MEI4: variants seen among roughly 807,000 people sequenced by gnomAD.
MEI4 encodes the protein meiosis-specific protein MEI4.
In MEI4, 27 loss-of-function variants were observed where a neutral mutation model predicts 31.4. The observed-to-expected ratio is 0.86, with a 90% confidence interval of 0.63 to 1.19. MEI4 has a LOEUF of 1.19. Ranked by LOEUF, MEI4 falls within the 50% of genes most tolerant of loss-of-function variation. The pLI, the probability that MEI4 is intolerant of heterozygous loss-of-function variation, is 0.00. For missense variants in MEI4, 329 were observed against 398.9 expected (o/e 0.82, Z 1.49); for synonymous variants, 122 against 145.4 (o/e 0.84, Z 1.16).
chr6:77,839,190 T>C (rs1770297097), intron 4 of MEI4, among the ~76,000 whole-genome samples: 1 of 152,148 alleles, frequency 6.6e-6, no homozygotes. Context: ...TTTGTCTTTC[T>C]TTTTGTATTT....
chr6:77,659,186 C>T (rs71563050), intron 1 of MEI4, among the ~76,000 whole-genome samples: 12,475 of 151,976 alleles, frequency 0.082, 659 homozygotes, highest in East Asian at 0.22. Flanking sequence ...AGTCCTAAAC[C>T]GACCATCAAG....
chr6:77,707,398 CA>C (rs1386062401), intron 2 of MEI4, among the ~76,000 whole-genome samples: 1 of 152,116 alleles, frequency 6.6e-6, no homozygotes, highest in Non-Finnish European at 1.5e-5. Context: ...TGCCTATTAT[CA>C]GATGTCAGAG....
chr6:77,792,654 A>G (rs147665179), intron 3 of MEI4, among the ~76,000 whole-genome samples: 319 of 151,824 alleles, frequency 2.1e-3, no homozygotes, highest in African/African-American at 7.0e-3. Flanking sequence ...ATTTTTGTAT[A>G]TGATGTGAGA....
chr6:77,740,243 G>T (rs1767364300), intron 2 of MEI4, among the ~76,000 whole-genome samples: 1 of 152,190 alleles, frequency 6.6e-6, no homozygotes, highest in Non-Finnish European at 1.5e-5. Flanking sequence ...TTTAGAGTAT[G>T]TGCCATGTGG....
rs529186941 is a variant in MEI4, at chr6:77,701,405, G to T, written c.232+10502G>T. Among the ~76,000 whole-genome samples, 4 of 152,152 alleles carry T rather than the reference G, an allele frequency of 2.6e-5. No homozygotes were observed. The South Asian group carries it at 8.3e-4, about 32-fold the overall frequency. ...ATAGAATTTCCGTAGGCAGATTTAGGATTAAAATTTGAGTGTGTGTGCGGG... is the reference window on the plus strand; with the variant it reads ...ATAGAATTTCCGTAGGCAGATTTAGTATTAAAATTTGAGTGTGTGTGCGGG... On this transcript the variant is annotated intron_variant, in intron 2 of 4. Coordinates refer to ENST00000684080, the MANE Select transcript of MEI4 (RefSeq NM_001322247.2).
chr6:77,894,696 G>C (rs1766043782), intron 4 of MEI4, among the ~76,000 whole-genome samples: 1 of 152,130 alleles, frequency 6.6e-6, no homozygotes, highest in South Asian at 2.1e-4. Context: ...GCTCTCTTGT[G>C]AGCCAATCTT....
chr6:77,896,077 G>T (rs1766079200), intron 4 of MEI4, among the ~76,000 whole-genome samples: 1 of 152,080 alleles, frequency 6.6e-6, no homozygotes, highest in African/African-American at 2.4e-5. Context: ...CCTATAAGTG[G>T]GGTTGACAGC....
intron 2 of MEI4, among the ~76,000 whole-genome samples, chr6:77,693,741 G>A (rs951383043): frequency 6.6e-6 from 1 of 152,032 alleles, no homozygotes; most frequent in African/African-American, 2.4e-5. Flanking sequence ...GAAAATAAAG[G>A]AAGAACATGG....
chr6:77,664,078 G>A (rs1768572322), intron 1 of MEI4, among the ~76,000 whole-genome samples: 2 of 152,228 alleles, frequency 1.3e-5, no homozygotes. Flanking sequence ...TCAGGCGTTT[G>A]GAAGTTCTTG....
chr6:77,665,151 G>A (rs1017248759), intron 1 of MEI4, among the ~76,000 whole-genome samples: 1 of 151,674 alleles, frequency 6.6e-6, no homozygotes, highest in Non-Finnish European at 1.5e-5. Flanking sequence ...AATAAGGGAT[G>A]GGGTGCAGAA....
chr6:77,746,925 TA>T (rs1040026428), intron 2 of MEI4, among the ~76,000 whole-genome samples: 5 of 152,114 alleles, frequency 3.3e-5, no homozygotes, highest in Non-Finnish European at 7.4e-5. Flanking sequence ...TTCAGTTCTA[TA>T]AAGTTTATGA....
At chr6:77,686,235 G>C (rs1166362552) in intron 1 of MEI4, among the ~76,000 whole-genome samples, 1 of 152,056 alleles carries the variant, frequency 6.6e-6, no homozygotes, top group African/African-American at 2.4e-5. Flanking sequence ...CTCAGCCTTA[G>C]GTATTCCTTT....
intron 4 of MEI4, among the ~76,000 whole-genome samples, chr6:77,909,566 A>G (rs1378520793): frequency 6.6e-6 from 1 of 152,176 alleles, no homozygotes; most frequent in African/African-American, 2.4e-5. Flanking sequence ...GCAATATTTA[A>G]TAGCTTACCA....
chr6:77,894,452 T>C (rs1766039640), intron 4 of MEI4, among the ~76,000 whole-genome samples: 1 of 152,124 alleles, frequency 6.6e-6, no homozygotes, highest in South Asian at 2.1e-4. Context: ...ACATACAGCT[T>C]TTTTTCTTCT....
intron 2 of MEI4, among the ~76,000 whole-genome samples, chr6:77,712,154 AT>A (rs1766478470): frequency 6.6e-6 from 1 of 152,170 alleles, no homozygotes; most frequent in Non-Finnish European, 1.5e-5. Flanking sequence ...TTACAAGTAA[AT>A]GTTTAAGAGG....
At chr6:77,703,736 C>A (rs1766271207) in intron 2 of MEI4, among the ~76,000 whole-genome samples, 1 of 151,972 alleles carries the variant, frequency 6.6e-6, no homozygotes, top group Non-Finnish European at 1.5e-5. Context: ...GTAGATAGTT[C>A]TAGACTTTAG....
chr6:77,891,705 T>C (rs1771773131), intron 4 of MEI4, among the ~76,000 whole-genome samples: 1 of 152,260 alleles, frequency 6.6e-6, no homozygotes, highest in Non-Finnish European at 1.5e-5. Flanking sequence ...TATTTTCATG[T>C]TCTTTACATT....
chr6:77,734,743 C>G (rs1386557582), intron 2 of MEI4, among the ~76,000 whole-genome samples: 1 of 151,736 alleles, frequency 6.6e-6, no homozygotes, highest in Admixed American at 6.6e-5. Flanking sequence ...TGGTCTTTAC[C>G]TTTTGGCATG....
intron 3 of MEI4, among the ~76,000 whole-genome samples, chr6:77,801,107 G>C (rs998541170): frequency 2.0e-5 from 3 of 152,174 alleles, no homozygotes; most frequent in African/African-American, 7.2e-5. Flanking sequence ...ATTCGGCTGT[G>C]AATCCATGTG....
Sources: allele counts gnomAD v4.1 joint callset (sites outside exome capture counted in the v4.1 genomes callset), GRCh38; gene constraint gnomAD v4.1.1; transcripts MANE v1.5; gene names NCBI Gene and HGNC (gene_info 2026-07-23, HGNC 2026-07-21).